Variants in ZBTB7C observed in about 807,000 individuals in gnomAD.
The protein encoded by ZBTB7C is zinc finger and BTB domain containing 7C.
In ZBTB7C, 8 loss-of-function variants were observed where a neutral mutation model predicts 25.7. The ratio of observed to expected loss-of-function variants is 0.31; its 90% CI spans 0.18 to 0.56. The LOEUF is 0.56. Among genes scored for constraint, ZBTB7C ranks in the 20% least tolerant of loss-of-function variants. The probability of loss-of-function intolerance (pLI) is 0.91; values close to 1 mark genes in which losing one functional copy is unlikely to be tolerated. For synonymous variants in ZBTB7C, 394 were observed against 369.0 expected (o/e 1.07, Z -0.78); for missense variants, 824 against 855.2 (o/e 0.96, Z 0.46).
At chr18:48,034,082 T>C (rs1310553430) in intron 4 of ZBTB7C, among the ~76,000 whole-genome samples, 1 of 152,194 alleles carries the variant, frequency 6.6e-6, no homozygotes, top group East Asian at 1.9e-4. Context: ...TTAGCTGGAA[T>C]ATGTTCTAGC....
intron 2 of ZBTB7C, among the ~76,000 whole-genome samples, chr18:48,285,603 C>T (rs1344652554): frequency 6.6e-6 from 1 of 152,292 alleles, no homozygotes; most frequent in East Asian, 1.9e-4. Context: ...CCTCCTGCCT[C>T]GTCCTCTCAA....
chr18:48,077,729 G>T (rs1354579545), intron 3 of ZBTB7C, among the ~76,000 whole-genome samples: 1 of 152,092 alleles, frequency 6.6e-6, no homozygotes, highest in Non-Finnish European at 1.5e-5. Flanking sequence ...TGAGCACCTG[G>T]GTCACCTCGT....
At chr18:48,296,161 C>G (rs2045383296) in intron 2 of ZBTB7C, among the ~76,000 whole-genome samples, 1 of 152,212 alleles carries the variant, frequency 6.6e-6, no homozygotes. Context: ...CAGCACCTGC[C>G]CAACCTCTCA....
At chr18:48,042,029 C>T (rs1196044200) in intron 3 of ZBTB7C, among the ~76,000 whole-genome samples, 2 of 152,180 alleles carry the variant, frequency 1.3e-5, no homozygotes, top group African/African-American at 4.8e-5. Context: ...CAGGGCACGA[C>T]AGGGGACAAC....
intron 3 of ZBTB7C, among the ~76,000 whole-genome samples, chr18:48,103,488 T>A (rs2038923801): frequency 6.6e-6 from 1 of 152,168 alleles, no homozygotes; most frequent in African/African-American, 2.4e-5. Context: ...AAAATTTCTT[T>A]ACCTTTCAGG....
chr18:48,225,947 T>C (rs1314324901), intron 2 of ZBTB7C, among the ~76,000 whole-genome samples: 1 of 152,186 alleles, frequency 6.6e-6, no homozygotes, highest in Non-Finnish European at 1.5e-5. Context: ...TTCACCATGT[T>C]GGGCAGGATG....
chr18:48,300,053 T>A (rs1401561164), intron 2 of ZBTB7C, among the ~76,000 whole-genome samples: 1 of 152,190 alleles, frequency 6.6e-6, no homozygotes, highest in Non-Finnish European at 1.5e-5. Flanking sequence ...CCTAAGATTC[T>A]GCATTTCTGC....
At chr18:48,352,458 C>T (rs1335404181) in intron 1 of ZBTB7C, among the ~76,000 whole-genome samples, 1 of 152,232 alleles carries the variant, frequency 6.6e-6, no homozygotes, top group Non-Finnish European at 1.5e-5. Context: ...AGAATCCACT[C>T]TTTTAGCAAA....
intron 3 of ZBTB7C, chr18:48,165,040 G>A: frequency 8.1e-7 from 1 of 1,240,002 alleles, no homozygotes; most frequent in Non-Finnish European, 1.0e-6. Flanking sequence ...TATACATCCT[G>A]TTGCTGATCA....
intron 1 of ZBTB7C, among the ~76,000 whole-genome samples, chr18:48,368,159 G>A (rs1022282482): frequency 6.8e-6 from 1 of 146,488 alleles, no homozygotes; most frequent in Non-Finnish European, 1.5e-5. Context: ...ATCTGACAAA[G>A]ATATTAAAGT....
chr18:48,231,252 G>A (rs1432160312), intron 2 of ZBTB7C, among the ~76,000 whole-genome samples: 1 of 152,166 alleles, frequency 6.6e-6, no homozygotes, highest in African/African-American at 2.4e-5. Context: ...AGACCAGAGT[G>A]AGAACTTATG....
intron 2 of ZBTB7C, among the ~76,000 whole-genome samples, chr18:48,250,283 C>G (rs1396070585): frequency 6.6e-6 from 1 of 152,186 alleles, no homozygotes; most frequent in East Asian, 1.9e-4. Context: ...GATTCACCCA[C>G]CTTCCTTGTG....
chr18:48,112,163 AT>A (rs1366722469), intron 3 of ZBTB7C, among the ~76,000 whole-genome samples: 7 of 151,970 alleles, frequency 4.6e-5, no homozygotes. Context: ...AATGATCCCA[AT>A]TTGTTTAATA....
In ZBTB7C at chr18:48,029,589, G is replaced by A. The variant is rs543484162; in HGVS notation, c.1531C>T (p.Leu511=). The change falls in exon 5 of 5, where the codon CTG becomes TTG. Residue 511 remains leucine, a synonymous_variant. Transcript: ENST00000590800. ...DKAAFVMPPA[L]GEVGGHLGGA... ...CCCAGGTGGCCGCCCACCTCGCCCA[G>A]CGCAGGGGGCATCACGAAGGCCGCC... 1.4e-3 allele frequency: 2,106 copies of A among 1,495,866 alleles called. 1 individual carries two copies. The highest frequency in any genetic ancestry group is 1.8e-3 in the Non-Finnish European group (2,036 of 1,134,482). 92.7% of individuals were successfully genotyped at this position (1,495,866 alleles called of 1,614,324 possible).
chr18:48,389,212 C>T (rs1194285446), intron 1 of ZBTB7C, among the ~76,000 whole-genome samples: 2 of 125,836 alleles, frequency 1.6e-5, no homozygotes, highest in African/African-American at 6.3e-5. Flanking sequence ...CTCTCTCTCT[C>T]TCTCTCTCTC....
chr18:48,215,805 T>G (rs2145268059), intron 2 of ZBTB7C, among the ~76,000 whole-genome samples: 1 of 152,310 alleles, frequency 6.6e-6, no homozygotes, highest in East Asian at 1.9e-4. Flanking sequence ...TCCCCCACAG[T>G]AGACAGATTT....
chr18:48,154,326 C>A (rs1279735219), intron 3 of ZBTB7C, among the ~76,000 whole-genome samples: 1 of 152,176 alleles, frequency 6.6e-6, no homozygotes, highest in Admixed American at 6.5e-5. Context: ...CTTAGGGATA[C>A]CTGAGCGGGG....
chr18:48,292,492 C>T (rs2045260627), intron 2 of ZBTB7C, among the ~76,000 whole-genome samples: 1 of 152,194 alleles, frequency 6.6e-6, no homozygotes, highest in African/African-American at 2.4e-5. Flanking sequence ...CACTAACTCC[C>T]TCCTCCTGCG....
intron 2 of ZBTB7C, among the ~76,000 whole-genome samples, chr18:48,327,431 G>C (rs537190465): frequency 1.3e-5 from 2 of 152,136 alleles, no homozygotes; most frequent in African/African-American, 2.4e-5. Context: ...AGAGCACAAG[G>C]CTGTGAGTCA....
Sources: allele counts gnomAD v4.1 joint callset (sites outside exome capture counted in the v4.1 genomes callset), GRCh38; gene constraint gnomAD v4.1.1; transcripts MANE v1.5; gene names NCBI Gene and HGNC (gene_info 2026-07-23, HGNC 2026-07-21).